Variants in ATP2B4 observed in about 807,000 individuals in gnomAD.
ATP2B4 encodes plasma membrane calcium-transporting ATPase 4.
In ATP2B4, 39 loss-of-function variants were observed where a neutral mutation model predicts 110.3. The ratio of observed to expected loss-of-function variants is 0.35; its 90% CI spans 0.27 to 0.46. The LOEUF (loss-of-function observed/expected upper bound fraction) is 0.46. Among genes scored for constraint, ATP2B4 ranks in the 20% least tolerant of loss-of-function variants. The pLI is 1.00. For missense variants in ATP2B4, 1,135 were observed against 1,530.9 expected (o/e 0.74, Z 4.32); for synonymous variants, 538 against 571.7 (o/e 0.94, Z 0.84).
At position 203,684,250 on chromosome 1, in the gene ATP2B4, G is replaced by T. The variant is rs1037599493; in HGVS notation, c.193+852G>T. On this transcript the variant is annotated intron_variant, in intron 2 of 20. Coordinates refer to ENST00000357681, the MANE Select transcript of ATP2B4 (RefSeq NM_001684.5). The stretch of plus-strand genomic sequence containing the variant: ...GGATGATAGGCCAAGCAGGTGGGTG[G>T]CTCACATCTCTAATCCCAGCATTTT... 4.6e-5 allele frequency among the ~76,000 whole-genome samples: 7 copies of T among 152,050 alleles called. No homozygotes were observed. In the East Asian group the frequency reaches 7.7e-4, roughly 17 times the overall value.
intron 1 of ATP2B4, among the ~76,000 whole-genome samples, chr1:203,650,626 C>T (rs937971145): frequency 2.6e-5 from 4 of 152,194 alleles, no homozygotes; most frequent in African/African-American, 4.8e-5. Context: ...AGCTGCAGGT[C>T]CGAACTCGGC....
At chr1:203,737,613 T>G (rs1035548433) in intron 20 of ATP2B4, among the ~76,000 whole-genome samples, 1 of 152,218 alleles carries the variant, frequency 6.6e-6, no homozygotes, top group Non-Finnish European at 1.5e-5. Flanking sequence ...CACCTAGATC[T>G]GGAGCAAAGG....
chr1:203,721,438 CTGGGGTCCTGGTTGGAGG>C (rs1464045950), intron 17 of ATP2B4, 28 bp downstream of exon 17: 1 of 1,605,860 alleles, frequency 6.2e-7, no homozygotes, highest in South Asian at 1.1e-5. Flanking sequence ...TGGGTAGCAG[CTGGGGTCCTGGTTGGAGG>C]TGGGGGCAGA....
intron 1 of ATP2B4, among the ~76,000 whole-genome samples, chr1:203,681,112 T>C (rs1472085371): frequency 1.3e-5 from 2 of 152,212 alleles, no homozygotes; most frequent in Non-Finnish European, 2.9e-5. Flanking sequence ...ATCTTCTTGT[T>C]TCCCAGATAA....
chr1:203,687,029 G>A (rs1665214807), intron 2 of ATP2B4, among the ~76,000 whole-genome samples: 1 of 148,070 alleles, frequency 6.8e-6, no homozygotes, highest in African/African-American at 2.5e-5. Flanking sequence ...ATGAGAGATG[G>A]GGTCTTGCTC....
At chr1:203,711,874 C>T in intron 12 of ATP2B4, 86 bp from the exon 13 acceptor site, 3 of 1,486,618 alleles carry the variant, frequency 2.0e-6, no homozygotes, top group South Asian at 2.5e-5. Context: ...TTTCTCCTGT[C>T]TGCCACAAAG....
In ATP2B4 at chr1:203,702,159, C is replaced by A. The variant is rs1665712681; in HGVS notation, c.937+80C>A. 3.3e-6 allele frequency: 5 copies of A among 1,536,558 alleles called. No individual in the cohort carries two copies. The South Asian group carries it at 5.7e-5, about 17-fold the overall frequency. On this transcript the variant is annotated intron_variant, in intron 7 of 20. Coordinates refer to ENST00000357681, the MANE Select transcript of ATP2B4 (RefSeq NM_001684.5). ...CCTTTCCAGGCCATCTTCCTTCTCC[C>A]TTTTCCTCTCCATAAATCTGTTATC...
At chr1:203,727,272 C>T in intron 19 of ATP2B4, 123 bp from the exon 20 acceptor site, 4 of 1,144,516 alleles carry the variant, frequency 3.5e-6, no homozygotes, top group Non-Finnish European at 4.9e-6. Context: ...GCCCACTGCT[C>T]TTCCAGTGGG....
chr1:203,736,220 T>A (rs1666873115), intron 20 of ATP2B4, among the ~76,000 whole-genome samples: 1 of 152,108 alleles, frequency 6.6e-6, no homozygotes, highest in African/African-American at 2.4e-5. Context: ...ATCCCAGCAC[T>A]TTGGGAGGCC....
intron 20 of ATP2B4, among the ~76,000 whole-genome samples, chr1:203,735,741 T>C (rs1666862387): frequency 6.6e-6 from 1 of 152,226 alleles, no homozygotes; most frequent in Non-Finnish European, 1.5e-5. Flanking sequence ...CTCCCACCAG[T>C]TCTTTCATAT....
chr1:203,739,407 G>T (rs969823411), intron 20 of ATP2B4, 139 bp from the exon 21 acceptor site: 1 of 808,696 alleles, frequency 1.2e-6, no homozygotes. Context: ...CTCTTCTGAT[G>T]TGTGTTTGGT....
chr1:203,730,167 C>T (rs1186428523), intron 20 of ATP2B4, among the ~76,000 whole-genome samples: 1 of 151,454 alleles, frequency 6.6e-6, no homozygotes, highest in Non-Finnish European at 1.5e-5. Flanking sequence ...TTACCCTGCC[C>T]CTCTTTTTTG....
chr1:203,712,134 G>A lies in ATP2B4; in HGVS notation c.2206G>A (p.Gly736Ser). The A allele has an allele frequency of 5.6e-6, 9 of 1,613,890 alleles. No homozygotes were observed. The highest frequency in any genetic ancestry group is 7.6e-6 in the Non-Finnish European group (9 of 1,179,900). The change falls in exon 13 of 21, where the codon GGC (glycine) becomes AGC (serine). Residue 736 changes from glycine (G) to serine (S), a missense_variant. By Grantham distance (56) the Gly-to-Ser change is moderately conservative. Coordinates refer to ENST00000357681, the MANE Select transcript of ATP2B4 (RefSeq NM_001684.5). ...EFNRLIRNEK[G>S]EVEQEKLDKI... ...CAACCGGCTCATCCGCAACGAGAAA[G>A]GCGAGGTGGGTCCTGGCTAGGGGGA...
intron 2 of ATP2B4, among the ~76,000 whole-genome samples, chr1:203,695,042 G>T (rs1044306801): frequency 2.0e-5 from 3 of 152,152 alleles, no homozygotes; most frequent in Admixed American, 2.0e-4. Context: ...CTTTTTGGGA[G>T]GGAGGGTTTC....
intron 9 of ATP2B4, 120 bp downstream of exon 9, chr1:203,707,343 C>A: frequency 1.1e-6 from 1 of 922,938 alleles, no homozygotes; most frequent in Non-Finnish European, 1.6e-6. Context: ...TGGTGCCTCA[C>A]AAGAGCAGAA....
At chr1:203,640,122 T>C (rs1663581771) in intron 1 of ATP2B4, among the ~76,000 whole-genome samples, 1 of 152,070 alleles carries the variant, frequency 6.6e-6, no homozygotes, top group African/African-American at 2.4e-5. Context: ...CCCATAAACA[T>C]TAAAGTGCTA....
At chr1:203,650,254 G>C (rs1261829472) in intron 1 of ATP2B4, among the ~76,000 whole-genome samples, 2 of 152,292 alleles carry the variant, frequency 1.3e-5, no homozygotes, top group Non-Finnish European at 2.9e-5. Context: ...CTGAGAAGTC[G>C]GCTGAGCCAC....
chr1:203,690,648 G>A (rs16852152), intron 2 of ATP2B4, among the ~76,000 whole-genome samples: 25,947 of 152,052 alleles, frequency 0.17, 2,633 homozygotes, highest in Admixed American at 0.32. Flanking sequence ...TCCACTTGAG[G>A]TTAGAAGCAT....
At position 203,721,206 on chromosome 1, in the gene ATP2B4, T is replaced by C. The variant is rs760941680; in HGVS notation, c.2608T>C (p.Leu870=). ...TTCTTCTCCCCGCCAGGATTCCCCATTGAAAGCTGTGCAGATGTTGTGGGT... is the reference window on the plus strand; with the variant it reads ...TTCTTCTCCCCGCCAGGATTCCCCACTGAAAGCTGTGCAGATGTTGTGGGT... ...TGACITQDSP[L]KAVQMLWVNL... is the part of the protein sequence containing the mutation. Residue 870 remains leucine (L), a synonymous_variant, in exon 17 of 21, where the codon TTG becomes CTG. Coordinates refer to ENST00000357681, the MANE Select transcript of ATP2B4 (RefSeq NM_001684.5). 2 of 1,614,142 alleles carry C rather than the reference T, an allele frequency of 1.2e-6. No individual in the cohort carries two copies. The highest frequency in any genetic ancestry group is 3.3e-5 in the Admixed American group (2 of 60,022).
Sources: allele counts gnomAD v4.1 joint callset (sites outside exome capture counted in the v4.1 genomes callset), GRCh38; gene constraint gnomAD v4.1.1; transcripts MANE v1.5; gene names NCBI Gene and HGNC (gene_info 2026-07-23, HGNC 2026-07-21).